CDC5L: variants seen among roughly 807,000 people sequenced by gnomAD.
CDC5L encodes the protein cell division cycle 5 like, also known as cell division cycle 5-like protein.
Under a neutral mutation model 104.1 loss-of-function variants are expected in CDC5L, and 18 were observed. That is an observed-to-expected ratio of 0.17 (90% CI 0.12 to 0.26). The LOEUF (loss-of-function observed/expected upper bound fraction) is 0.26. Among genes scored for constraint, CDC5L ranks in the 10% least tolerant of loss-of-function variants. CDC5L has a pLI of 1.00. For synonymous variants in CDC5L, 331 were observed against 322.7 expected, an observed-to-expected ratio of 1.03 and a Z score of -0.28; for missense variants, 673 against 956.9, an observed-to-expected ratio of 0.70 and a Z score of 3.91.
At position 44,424,876 on chromosome 6, in the gene CDC5L, A is replaced by G. The variant is rs367772172; in HGVS notation, c.1569+293A>G. Among the ~76,000 whole-genome samples, 5 of 152,156 alleles carry G rather than the reference A, an allele frequency of 3.3e-5. No individual in the cohort carries two copies. In the East Asian group the frequency reaches 5.8e-4, roughly 18 times the overall value. The stretch of plus-strand genomic sequence containing the variant: ...AGGTAGTCTTTTAGACATTGCTTCA[A>G]TCTAGCAAAGAAAAGATGTTATTGG... On this transcript the variant is annotated intron_variant, in intron 11 of 15. Coordinates refer to ENST00000371477, the MANE Select transcript of CDC5L (RefSeq NM_001253.4).
chr6:44,423,741 A>ACT (rs1792293934), intron 10 of CDC5L, among the ~76,000 whole-genome samples: 1 of 152,108 alleles, frequency 6.6e-6, no homozygotes. Context: ...GGGAACCAGG[A>ACT]CTCTACTTTC....
intron 2 of CDC5L, among the ~76,000 whole-genome samples, chr6:44,391,903 G>A (rs1440378331): frequency 4.6e-5 from 7 of 152,118 alleles, no homozygotes; most frequent in Admixed American, 1.3e-4. Flanking sequence ...TGGGAGGATC[G>A]GTTGAACCCA....
intron 3 of CDC5L, among the ~76,000 whole-genome samples, chr6:44,393,117 A>G (rs1437445475): frequency 1.3e-5 from 2 of 151,384 alleles, no homozygotes; most frequent in East Asian, 3.9e-4. Context: ...ACCCATAATC[A>G]CACTGCTAAG....
intron 7 of CDC5L, among the ~76,000 whole-genome samples, chr6:44,407,090 T>C (rs796612791): frequency 6.6e-5 from 10 of 152,294 alleles, no homozygotes; most frequent in African/African-American, 2.4e-4. Context: ...GGGTAGGGCT[T>C]TAGGCTTCTT....
At chr6:44,390,443 G>C in intron 2 of CDC5L, 72 bp downstream of exon 2, 1 of 946,586 alleles carries the variant, frequency 1.1e-6, no homozygotes, top group East Asian at 2.6e-5. Flanking sequence ...TCAACTCTGT[G>C]AACCTTATCA....
At chr6:44,444,000 A>T (rs1207186603) in intron 14 of CDC5L, among the ~76,000 whole-genome samples, 2 of 152,114 alleles carry the variant, frequency 1.3e-5, no homozygotes, top group East Asian at 3.9e-4. Flanking sequence ...CCAGCTAGAG[A>T]TTTTAAGATA....
At chr6:44,424,678 C>T in intron 11 of CDC5L, 95 bp downstream of exon 11, 1 of 1,147,844 alleles carries the variant, frequency 8.7e-7, no homozygotes, top group East Asian at 2.5e-5. Flanking sequence ...AAGATCTCTA[C>T]CTAGTCCTTT....
chr6:44,409,935 T>C (rs941878950), intron 8 of CDC5L, among the ~76,000 whole-genome samples: 1 of 152,060 alleles, frequency 6.6e-6, no homozygotes, highest in Non-Finnish European at 1.5e-5. Context: ...ATTTTTTTTT[T>C]TTTAGTTTTT....
chr6:44,411,638 G>GTGTGTGTGTGTGTA (rs967243268), intron 8 of CDC5L, among the ~76,000 whole-genome samples: 1 of 86,456 alleles, frequency 1.2e-5, no homozygotes, highest in Non-Finnish European at 2.1e-5. Context: ...GAGAGAGAGA[G>GTGTGTGTGTGTGTA]TGTGTGTGTG....
At chr6:44,426,220 TTTC>T (rs777476132) in intron 12 of CDC5L, 37 bp downstream of exon 12, 1 of 1,423,914 alleles carries the variant, frequency 7.0e-7, no homozygotes. Flanking sequence ...AAGTTTTAAG[TTTC>T]TTTTTATATG....
At chr6:44,428,638 A>G (rs138521440) in intron 13 of CDC5L, among the ~76,000 whole-genome samples, 264 of 152,302 alleles carry the variant, frequency 1.7e-3, no homozygotes, top group Middle Eastern at 0.017. Flanking sequence ...GGCTCAGATA[A>G]ATTAAGCAAG....
chr6:44,421,560 C>T (rs769913456), intron 9 of CDC5L, among the ~76,000 whole-genome samples: 2 of 152,194 alleles, frequency 1.3e-5, no homozygotes, highest in South Asian at 2.1e-4. Flanking sequence ...AGCATAATCC[C>T]TCATTTCCTA....
intron 2 of CDC5L, among the ~76,000 whole-genome samples, chr6:44,391,309 C>T (rs551192972): frequency 6.6e-6 from 1 of 151,762 alleles, no homozygotes; most frequent in East Asian, 1.9e-4. Context: ...AGTGCAGTGG[C>T]GTGATCTCAG....
chr6:44,403,532 A>G (rs1456276273), intron 5 of CDC5L, among the ~76,000 whole-genome samples: 1 of 152,112 alleles, frequency 6.6e-6, no homozygotes, highest in East Asian at 1.9e-4. Flanking sequence ...TTCATTTGCC[A>G]TTTATTTAAT....
intron 1 of CDC5L, among the ~76,000 whole-genome samples, chr6:44,388,633 T>A (rs1425894103): frequency 6.6e-6 from 1 of 152,152 alleles, no homozygotes; most frequent in Non-Finnish European, 1.5e-5. Flanking sequence ...ACATCATGTC[T>A]TTTCATGCTC....
chr6:44,391,730 A>G (rs1457224224), intron 2 of CDC5L, among the ~76,000 whole-genome samples: 4 of 151,724 alleles, frequency 2.6e-5, no homozygotes, highest in African/African-American at 4.8e-5. Flanking sequence ...GAAATTGGCC[A>G]GGCGTGGTGG....
At chr6:44,446,342 T>C (rs1172314356) in intron 15 of CDC5L, among the ~76,000 whole-genome samples, 2 of 152,248 alleles carry the variant, frequency 1.3e-5, no homozygotes, top group African/African-American at 4.8e-5. Flanking sequence ...CAGTCAGGGC[T>C]TCTTGAAGTG....
At chr6:44,392,353 C>G (rs1269212049) in intron 2 of CDC5L, among the ~76,000 whole-genome samples, 1 of 151,978 alleles carries the variant, frequency 6.6e-6, no homozygotes, top group Admixed American at 6.6e-5. Flanking sequence ...GTATTGTCTT[C>G]CAAATATTTC....
At chr6:44,444,076 C>T (rs747259644) in intron 14 of CDC5L, among the ~76,000 whole-genome samples, 9 of 152,024 alleles carry the variant, frequency 5.9e-5, no homozygotes, top group Admixed American at 3.9e-4. Context: ...CCATTAGTAC[C>T]CTGTGATCAG....
Sources: allele counts gnomAD v4.1 joint callset (sites outside exome capture counted in the v4.1 genomes callset), GRCh38; gene constraint gnomAD v4.1.1; transcripts MANE v1.5; gene names NCBI Gene and HGNC (gene_info 2026-07-23, HGNC 2026-07-21).